The following LRP1B variants were observed in gnomAD, a reference collection of about 807,000 sequenced individuals.
LRP1B encodes the protein LDL receptor related protein 1B, also known as low-density lipoprotein receptor-related protein 1B.
A neutral mutation model predicts 556.6 loss-of-function variants in LRP1B; 217 were observed. The observed-to-expected ratio is 0.39, with a 90% CI of 0.35 to 0.44. The LOEUF (loss-of-function observed/expected upper bound fraction) is 0.44. Among genes scored for constraint, LRP1B ranks in the 20% least tolerant of loss-of-function variants. The pLI is 1.00. For synonymous variants in LRP1B, 2,047 were observed against 1,865.8 expected (o/e 1.10, Z -2.50); for missense variants, 5,053 against 5,620.8 (o/e 0.90, Z 3.23).
chr2:142,048,812 G>T (rs1158019449), intron 1 of LRP1B, among the ~76,000 whole-genome samples: 1 of 152,044 alleles, frequency 6.6e-6, no homozygotes, highest in Non-Finnish European at 1.5e-5. Flanking sequence ...ATACTTAAAA[G>T]ATGAGTGTAT....
intron 18 of LRP1B, among the ~76,000 whole-genome samples, chr2:140,962,019 G>C (rs1696051261): frequency 6.6e-6 from 1 of 152,112 alleles, no homozygotes; most frequent in African/African-American, 2.4e-5. Flanking sequence ...GTTGTTGTAA[G>C]CACCTATGTA....
Position 141,105,311 on chromosome 2 carries a change from G to T in LRP1B, c.1014-43038C>A, listed in dbSNP as rs16845463. Among the ~76,000 whole-genome samples, 2,088 of 151,992 alleles carry T rather than the reference G, an allele frequency of 0.014. 75 individuals carry two copies. In the East Asian group the frequency reaches 0.14, roughly 10 times the overall value. The stretch of plus-strand genomic sequence containing the variant: ...AGATACATGAATTTTTGGTGCTTTG[G>T]AGAAAACATGTATTACTTCAATGTA... On this transcript the variant is annotated intron_variant, in intron 7 of 90. Transcript: ENST00000389484.
chr2:140,540,379 T>G (rs574394452), intron 45 of LRP1B, among the ~76,000 whole-genome samples: 1 of 152,238 alleles, frequency 6.6e-6, no homozygotes, highest in East Asian at 1.9e-4. Context: ...TGAACCCTGA[T>G]TTATTTTGGA....
intron 84 of LRP1B, among the ~76,000 whole-genome samples, chr2:140,280,596 G>A (rs1181938477): frequency 1.3e-5 from 2 of 151,600 alleles, no homozygotes. Flanking sequence ...ATGCATGATG[G>A]GACACTAGCT....
chr2:141,900,343 ACT>A (rs1699580409), intron 1 of LRP1B, among the ~76,000 whole-genome samples: 1 of 152,114 alleles, frequency 6.6e-6, no homozygotes, highest in Non-Finnish European at 1.5e-5. Context: ...TGGATATGAC[ACT>A]GTTTGCAGAT....
intron 83 of LRP1B, among the ~76,000 whole-genome samples, chr2:140,299,297 G>A (rs374548145): frequency 6.6e-6 from 1 of 151,972 alleles, no homozygotes; most frequent in Admixed American, 6.6e-5. Flanking sequence ...TGAATTGAGG[G>A]TCCATAACTT....
intron 18 of LRP1B, among the ~76,000 whole-genome samples, chr2:140,957,886 G>A (rs1411440950): frequency 6.6e-6 from 1 of 151,258 alleles, no homozygotes; most frequent in African/African-American, 2.4e-5. Flanking sequence ...CCTCCTAGTA[G>A]AAAGAGATAT....
At chr2:141,253,469 C>A (rs1436156779) in intron 4 of LRP1B, among the ~76,000 whole-genome samples, 1 of 151,952 alleles carries the variant, frequency 6.6e-6, no homozygotes, top group East Asian at 1.9e-4. Flanking sequence ...ATTCAATTCC[C>A]AAATGTAACT....
chr2:141,515,257 G>A (rs895867874), intron 2 of LRP1B, among the ~76,000 whole-genome samples: 28 of 150,232 alleles, frequency 1.9e-4, no homozygotes, highest in Non-Finnish European at 1.5e-4. Flanking sequence ...AGCCGAGATC[G>A]CACCACTGCA....
chr2:141,011,164 GA>G (rs200992289), intron 14 of LRP1B, among the ~76,000 whole-genome samples: 3,408 of 149,086 alleles, frequency 0.023, 67 homozygotes, highest in Non-Finnish European at 0.032. Context: ...ACTACTTAGA[GA>G]TTTGATTTTC....
intron 62 of LRP1B, among the ~76,000 whole-genome samples, chr2:140,455,586 A>G (rs1359957019): frequency 6.6e-6 from 1 of 152,158 alleles, no homozygotes; most frequent in African/African-American, 2.4e-5. Context: ...GCTCCCTGAA[A>G]AAGTTCTAAT....
intron 7 of LRP1B, among the ~76,000 whole-genome samples, chr2:141,141,470 T>C (rs1006454724): frequency 2.0e-5 from 3 of 152,182 alleles, no homozygotes; most frequent in African/African-American, 7.2e-5. Context: ...AAAGGATTTA[T>C]TCATTTGAAC....
At chr2:140,548,849 C>T (rs1039628399) in intron 43 of LRP1B, among the ~76,000 whole-genome samples, 11 of 151,902 alleles carry the variant, frequency 7.2e-5, no homozygotes, top group African/African-American at 2.7e-4. Context: ...CGCTTGAACC[C>T]GGGAGGCAAA....
At chr2:142,088,641 A>T (rs917022638) in intron 1 of LRP1B, among the ~76,000 whole-genome samples, 1 of 152,132 alleles carries the variant, frequency 6.6e-6, no homozygotes, top group Non-Finnish European at 1.5e-5. Flanking sequence ...TAAAATATCA[A>T]TGTTTAATGA....
chr2:141,141,576 G>A (rs1701653103), intron 7 of LRP1B, among the ~76,000 whole-genome samples: 1 of 152,026 alleles, frequency 6.6e-6, no homozygotes. Context: ...TATCATCAAC[G>A]ATGATTGTGT....
chr2:140,973,203 A>G (rs1339931983), intron 18 of LRP1B, among the ~76,000 whole-genome samples: 1 of 151,656 alleles, frequency 6.6e-6, no homozygotes, highest in African/African-American at 2.4e-5. Context: ...ATTCATAACT[A>G]TAGCTACAGA....
chr2:140,586,460 C>T (rs925214907), intron 43 of LRP1B, among the ~76,000 whole-genome samples: 2 of 152,184 alleles, frequency 1.3e-5, no homozygotes, highest in African/African-American at 4.8e-5. Flanking sequence ...CCCACACCAG[C>T]AAAGGCCAAG....
intron 73 of LRP1B, 66 bp from the exon 74 acceptor site, chr2:140,358,182 T>C (rs2105135951): frequency 2.1e-6 from 3 of 1,451,876 alleles, no homozygotes; most frequent in Admixed American, 1.8e-5. Context: ...GAGCATGTAA[T>C]AGCTCCAAAA....
intron 3 of LRP1B, among the ~76,000 whole-genome samples, chr2:141,382,723 C>T (rs562689605): frequency 2.0e-5 from 3 of 152,284 alleles, no homozygotes; most frequent in Non-Finnish European, 4.4e-5. Context: ...TGCAACAACG[C>T]ATTAAAAAGA....
Sources: allele counts gnomAD v4.1 joint callset (sites outside exome capture counted in the v4.1 genomes callset), GRCh38; gene constraint gnomAD v4.1.1; transcripts MANE v1.5; gene names NCBI Gene and HGNC (gene_info 2026-07-23, HGNC 2026-07-21).